Variants in SPINT2 observed in about 807,000 individuals in gnomAD.
The protein encoded by SPINT2 is kunitz-type protease inhibitor 2.
Under a neutral mutation model 30.1 loss-of-function variants are expected in SPINT2, and 18 were observed. That is an observed-to-expected ratio of 0.60 (90% confidence interval 0.41 to 0.89). SPINT2 has a LOEUF of 0.89. Ranked by LOEUF, SPINT2 falls within the 40% of genes least tolerant of loss-of-function variation. SPINT2 has a pLI of 0.00. For missense variants in SPINT2, 276 were observed against 334.3 expected, an observed-to-expected ratio of 0.83 and a Z score of 1.36; for synonymous variants, 139 against 137.9, an observed-to-expected ratio of 1.01 and a Z score of -0.05.
Position 38,283,689 on chromosome 19 carries a change from A to C in SPINT2, c.169A>C (p.Asn57His). The C allele has an allele frequency of 6.2e-7, 1 of 1,614,096 alleles. No individual in the cohort carries two copies. Among genetic ancestry groups the C allele is most frequent in the South Asian group, 1.1e-5 (1 of 91,076 alleles). Residue 57 changes from asparagine (N) to histidine (H), a missense_variant, in exon 2 of 7, where the codon AAT becomes CAT. Coordinates refer to ENST00000301244, the MANE Select transcript of SPINT2 (RefSeq NM_021102.4). ...GGCCTCCATGCCTAGGTGGTGGTAC[A>C]ATGTCACTGACGGATCCTGCCAGCT... ...CRASMPRWWY[N>H]VTDGSCQLFV...
Position 38,264,841 on chromosome 19 carries a change from G to A in SPINT2, c.-52G>A, listed in dbSNP as rs985079611. 15 of 1,516,360 alleles carry A rather than the reference G, an allele frequency of 9.9e-6. No individual in the cohort carries two copies. Among genetic ancestry groups the A allele is most frequent in the Non-Finnish European group, 1.1e-5 (13 of 1,131,964 alleles). The allele number at this position is 1,516,360 out of a possible 1,614,324, so 93.9% of individuals were successfully genotyped here. ...GTTGAGGGGCTTCCCGCACCTGATC[G>A]CGAGACCCCAACGGCTGGTGGCGTC... On this transcript the variant is annotated 5_prime_UTR_variant, in exon 1 of 7. Transcript: ENST00000301244.
intron 4 of SPINT2, chr19:38,289,638 C>T (rs1216029766): frequency 3.9e-6 from 1 of 255,832 alleles, no homozygotes; most frequent in African/African-American, 2.3e-5. Context: ...TGGCAGCCCC[C>T]TGAGGTTGGG....
At chr19:38,275,884 C>T (rs1040146260) in intron 1 of SPINT2, among the ~76,000 whole-genome samples, 28 of 151,728 alleles carry the variant, frequency 1.8e-4, no homozygotes, top group African/African-American at 5.1e-4. Flanking sequence ...TGCACCACCA[C>T]GCCCGGCTAA....
Position 38,284,118 on chromosome 19 carries a change from G to T in SPINT2, c.277+321G>T, listed in dbSNP as rs182961509. 1.4e-3 allele frequency among the ~76,000 whole-genome samples: 215 copies of T among 152,168 alleles called. 1 individual carries two copies. Among genetic ancestry groups the T allele is most frequent in the African/African-American group, 4.6e-3 (191 of 41,530 alleles). ...AGCCTCCCAAAGTGCTGGGATTACA[G>T]GCATGAGCCACTGCGCCCAGCCCCT... is the stretch of plus-strand genomic sequence containing the variant. On this transcript the variant is annotated intron_variant, in intron 2 of 6. Coordinates refer to ENST00000301244, the MANE Select transcript of SPINT2 (RefSeq NM_021102.4).
intron 1 of SPINT2, among the ~76,000 whole-genome samples, chr19:38,269,158 C>T (rs958540103): frequency 8.6e-5 from 13 of 151,838 alleles, no homozygotes; most frequent in East Asian, 1.9e-4. Context: ...AGTGCAGTAG[C>T]GCGATCTCAG....
At chr19:38,268,976 A>G (rs144486549) in intron 1 of SPINT2, among the ~76,000 whole-genome samples, 1,665 of 152,318 alleles carry the variant, frequency 0.011, 11 homozygotes, top group Non-Finnish European at 0.016. Flanking sequence ...AAGGTCCTTT[A>G]GGAGTGGCCA....
intron 3 of SPINT2, 158 bp from the exon 4 acceptor site, chr19:38,288,980 G>A (rs1968677173): frequency 5.7e-6 from 4 of 706,676 alleles, no homozygotes; most frequent in African/African-American, 1.7e-5. Flanking sequence ...AGCCCATTAG[G>A]GCTGGGGTGA....
chr19:38,277,316 G>A (rs1968531978), intron 1 of SPINT2, among the ~76,000 whole-genome samples: 1 of 152,032 alleles, frequency 6.6e-6, no homozygotes, highest in Admixed American at 6.6e-5. Context: ...CGCAATCTCA[G>A]CTCACTGCAT....
chr19:38,285,570 C>T (rs1033344016), intron 2 of SPINT2, among the ~76,000 whole-genome samples: 1 of 152,162 alleles, frequency 6.6e-6, no homozygotes, highest in Non-Finnish European at 1.5e-5. Context: ...GTCTCAAACG[C>T]TTGAGCTCAA....
Position 38,287,912 on chromosome 19 carries a change from C to T in SPINT2, c.314C>T (p.Ala105Val). 1 of 1,614,176 alleles carries T rather than the reference C, an allele frequency of 6.2e-7. No individual in the cohort carries two copies. Among genetic ancestry groups the T allele is most frequent in the Non-Finnish European group, 8.5e-7 (1 of 1,180,000 alleles). ...ATGDLATSRN[A>V]ADSSVPSAPR... ...GGTGACCTGGCCACCAGCAGGAATG[C>T]AGCGGATTCCTCTGTCCCAAGTGGT... Residue 105 changes from alanine (A) to valine (V), a missense_variant, in exon 3 of 7, where the codon GCA becomes GTA. Physicochemically the swap from Ala to Val is moderately conservative, Grantham distance 64. Coordinates refer to ENST00000301244, the MANE Select transcript of SPINT2 (RefSeq NM_021102.4).
rs562679337 is a variant in SPINT2, at chr19:38,286,910, G to GC, written c.278-960dup. Among the ~76,000 whole-genome samples the GC allele has an allele frequency of 3.1e-3, 476 of 152,126 alleles. 1 individual carries two copies. Among genetic ancestry groups the GC allele is most frequent in the African/African-American group, 8.7e-3 (360 of 41,504 alleles). On this transcript the variant is annotated intron_variant, in intron 2 of 6. Transcript: ENST00000301244. ...TCTCAAACTCCTGGCCTCAAGTGAT[G>GC]CCCCCCACCCTTCACCCAGTGTAAG... is the stretch of plus-strand genomic sequence containing the variant.
intron 1 of SPINT2, among the ~76,000 whole-genome samples, chr19:38,280,058 A>G (rs1204807215): frequency 6.6e-6 from 1 of 152,186 alleles, no homozygotes; most frequent in African/African-American, 2.4e-5. Context: ...TGAAACTTAA[A>G]CTACTAAGTC....
chr19:38,289,263 C>T (rs1156529643), intron 4 of SPINT2, 72 bp downstream of exon 4: 19 of 1,335,726 alleles, frequency 1.4e-5, no homozygotes, highest in South Asian at 8.2e-5. Flanking sequence ...CTGAGGTGGG[C>T]GGATCACGAG....
chr19:38,279,740 G>A (rs1464150725), intron 1 of SPINT2, among the ~76,000 whole-genome samples: 6 of 152,222 alleles, frequency 3.9e-5, no homozygotes, highest in South Asian at 2.1e-4. Context: ...TGCAACCTCC[G>A]CCTTGCGGGC....
intron 1 of SPINT2, among the ~76,000 whole-genome samples, chr19:38,275,726 CAA>C (rs67891057): frequency 4.7e-4 from 59 of 124,604 alleles, no homozygotes; most frequent in East Asian, 3.7e-3. Context: ...CCCAGCTTGA[CAA>C]AAAAATTTTT....
chr19:38,269,400 C>CTTTT (rs397859727), intron 1 of SPINT2, among the ~76,000 whole-genome samples: 1 of 64,906 alleles, frequency 1.5e-5, no homozygotes, highest in African/African-American at 7.4e-5. Flanking sequence ...TCTCCTGCAC[C>CTTTT]TTTTTTTTTT....
At chr19:38,286,437 C>G (rs977203544) in intron 2 of SPINT2, among the ~76,000 whole-genome samples, 9 of 152,170 alleles carry the variant, frequency 5.9e-5, no homozygotes, top group African/African-American at 1.9e-4. Flanking sequence ...TGCGGAGGAG[C>G]CAGGGTTCCC....
intron 1 of SPINT2, among the ~76,000 whole-genome samples, chr19:38,268,764 CGCGTGTGTGT>C (rs1213477776): frequency 7.1e-6 from 1 of 141,316 alleles, no homozygotes; most frequent in East Asian, 2.1e-4. Flanking sequence ...CATGCGCGCG[CGCGTGTGTGT>C]GTGTGTGTGT....
In SPINT2 at chr19:38,290,812, TG is replaced by T; in HGVS notation, c.592+241del. ...GCCCTGCCCAGGCGGCGTGGGTGAC[TG>T]GGGATGAGGTCTTCCTGTTGAGCAT... On this transcript the variant is annotated intron_variant, in intron 6 of 6. Transcript: ENST00000301244. The surrounding 1 kb of genome is among the most constrained non-coding windows in gnomAD (Gnocchi z 4.3). The T allele has an allele frequency of 1.6e-6, 1 of 625,600 alleles. No individual in the cohort carries two copies. Among genetic ancestry groups the T allele is most frequent in the Non-Finnish European group, 2.9e-6 (1 of 348,682 alleles). The allele number at this position is 625,600 out of a possible 1,614,324, so 38.8% of individuals were successfully genotyped here.
Sources: gnomAD v4.1 joint callset for allele counts (sites outside exome capture counted in the v4.1 genomes callset) on GRCh38, gnomAD v4.1.1 for gene constraint, Gnocchi (gnomAD v3.1) non-coding constraint, MANE v1.5 for transcripts, NCBI Gene and HGNC (gene_info 2026-07-23, HGNC 2026-07-21) for gene names.